ADGRD1: variants seen among roughly 807,000 people sequenced by gnomAD.
ADGRD1 encodes the protein G-protein coupled receptor 133.
ADGRD1 carries 77 observed loss-of-function variants against 113.4 expected under a neutral mutation model. That is an observed-to-expected ratio of 0.68 (90% CI 0.57 to 0.82). ADGRD1 has a LOEUF of 0.82. Among genes scored for constraint, ADGRD1 ranks in the 40% least tolerant of loss-of-function variants. The pLI is 0.00. For synonymous variants in ADGRD1, 474 were observed against 475.0 expected, an observed-to-expected ratio of 1.00 and a Z score of 0.03; for missense variants, 1,036 against 1,139.1, an observed-to-expected ratio of 0.91 and a Z score of 1.30.
In ADGRD1 at chr12:130,954,626, G is replaced by A. The variant is rs1181620140; in HGVS notation, c.69G>A (p.Val23=). The A allele has an allele frequency of 6.8e-6, 11 of 1,613,800 alleles. 1 individual carries two copies. Among genetic ancestry groups the A allele is most frequent in the South Asian group, 2.2e-5 (2 of 91,078 alleles). ...ACACTGTGGTCTTTTGTGCGCAGGT[G>A]CGTGGCGTCTACTCCAGATCGCAGG... The part of the protein sequence containing the change: ...WLLLFYYNFQ[V]RGVYSRSQDH... The change falls in exon 2 of 25, where the codon GTG becomes GTA. Residue 23 remains valine (V), a splice_region_variant and synonymous_variant. Coordinates refer to ENST00000261654, the MANE Select transcript of ADGRD1 (RefSeq NM_198827.5). The surrounding 1 kb of genome is among the most constrained non-coding windows in gnomAD (Gnocchi z 4.7).
In ADGRD1 at chr12:131,077,157, G is replaced by A. The variant is rs975455833; in HGVS notation, c.1547+283G>A. On this transcript the variant is annotated intron_variant, in intron 14 of 24. Transcript: ENST00000261654. ...TTTCAAGCCAGTGCAGCAGATGCTC[G>A]GGGGAGCTGGAGGATGCTGTCCGTT... 4.7e-5 allele frequency among the ~76,000 whole-genome samples: 7 copies of A among 149,858 alleles called. No individual in the cohort carries two copies. In the South Asian group the frequency reaches 6.5e-4, roughly 14 times the overall value.
At chr12:130,955,208 G>T (rs1375888260) in intron 2 of ADGRD1, among the ~76,000 whole-genome samples, 4 of 145,782 alleles carry the variant, frequency 2.7e-5, no homozygotes, top group Admixed American at 7.1e-5. Flanking sequence ...CAGGTGATCC[G>T]CCCGCCTTGG....
At chr12:131,065,157 T>C (rs751426321) in intron 13 of ADGRD1, among the ~76,000 whole-genome samples, 34 of 152,196 alleles carry the variant, frequency 2.2e-4, no homozygotes, top group Admixed American at 3.9e-4. Context: ...GCCATAAACA[T>C]CTGCTCTGCA....
chr12:131,018,785 T>C (rs1365123838), intron 13 of ADGRD1, among the ~76,000 whole-genome samples: 2 of 152,218 alleles, frequency 1.3e-5, no homozygotes, highest in East Asian at 3.8e-4. Context: ...AACTTCTTTC[T>C]CAAAGCACAG....
chr12:131,034,927 C>G (rs1376672672), intron 13 of ADGRD1, among the ~76,000 whole-genome samples: 1 of 152,196 alleles, frequency 6.6e-6, no homozygotes, highest in Non-Finnish European at 1.5e-5. Context: ...AGCTGCTCCT[C>G]CGCCCCCTTC....
chr12:131,080,913 C>T (rs549726534), intron 14 of ADGRD1, among the ~76,000 whole-genome samples: 1 of 152,338 alleles, frequency 6.6e-6, no homozygotes, highest in African/African-American at 2.4e-5. Context: ...AGCCACTGCA[C>T]CCGGCCTAGT....
rs536936677 is a variant in ADGRD1, at chr12:131,018,758, T to C, written c.1473+4418T>C. ...CCTGGATCGTTTCTGTTAGCAGAGG[T>C]GTTGACATTCTCGTGGAACTTCTTT... On this transcript the variant is annotated intron_variant, in intron 13 of 24. Coordinates refer to ENST00000261654, the MANE Select transcript of ADGRD1 (RefSeq NM_198827.5). Among the ~76,000 whole-genome samples, 11 of 152,306 alleles carry C rather than the reference T, an allele frequency of 7.2e-5. No homozygotes were observed. The East Asian group carries it at 1.9e-3, about 27-fold the overall frequency.
intron 5 of ADGRD1, among the ~76,000 whole-genome samples, chr12:130,983,861 A>G (rs950907958): frequency 2.8e-4 from 43 of 152,152 alleles, no homozygotes; most frequent in Admixed American, 3.3e-4. Flanking sequence ...GCTCAGGAGG[A>G]CAGCTTACCA....
intron 15 of ADGRD1, among the ~76,000 whole-genome samples, chr12:131,095,433 G>A (rs34982748): frequency 0.083 from 12,656 of 152,356 alleles, 701 homozygotes; most frequent in Non-Finnish European, 0.12. Context: ...CTGAAGAAGT[G>A]TCTGCTCTGG....
At chr12:131,098,982 T>A (rs1486538625) in intron 15 of ADGRD1, among the ~76,000 whole-genome samples, 1 of 152,224 alleles carries the variant, frequency 6.6e-6, no homozygotes, top group Non-Finnish European at 1.5e-5. Flanking sequence ...AGGGAAACCA[T>A]GCTGTCCACT....
At chr12:131,070,876 G>T (rs779838902) in intron 13 of ADGRD1, 1 of 519,054 alleles carries the variant, frequency 1.9e-6, no homozygotes, top group East Asian at 5.4e-5. Flanking sequence ...TGCACGGGAC[G>T]TCCTGGAGAG....
intron 20 of ADGRD1, among the ~76,000 whole-genome samples, chr12:131,130,618 G>A (rs1041289794): frequency 3.3e-5 from 5 of 152,246 alleles, no homozygotes; most frequent in African/African-American, 1.2e-4. Context: ...TGGCTTCAAG[G>A]CCCCTAGGGT....
intron 17 of ADGRD1, among the ~76,000 whole-genome samples, chr12:131,106,079 C>T (rs1479013995): frequency 6.6e-6 from 1 of 152,166 alleles, no homozygotes; most frequent in African/African-American, 2.4e-5. Flanking sequence ...CTGCCGCTGC[C>T]GCCACCCACT....
chr12:131,139,627 A>C lies in ADGRD1; in HGVS notation c.*364A>C. ...TCGGGGCCGGTCCCGCAGCACCAGG[A>C]GGGGATGTTCAGCCTCTGTGCCTTG... On this transcript the variant is annotated 3_prime_UTR_variant, in exon 25 of 25. Transcript: ENST00000261654. The C allele has an allele frequency of 5.1e-6, 1 of 196,348 alleles. No homozygotes were observed. Among genetic ancestry groups the C allele is most frequent in the Admixed American group, 5.6e-5 (1 of 17,868 alleles). 12.2% of individuals were successfully genotyped at this position (196,348 alleles called of 1,614,324 possible). A position where few individuals can be genotyped will look rare whatever the true frequency, so the allele number is the denominator to read the frequency against.
Position 130,954,584 on chromosome 12 carries a change from T to C in ADGRD1, c.67-40T>C, listed in dbSNP as rs1169744465. The C allele has an allele frequency of 6.2e-7, 1 of 1,614,006 alleles. No individual in the cohort carries two copies. Among genetic ancestry groups the C allele is most frequent in the South Asian group, 1.1e-5 (1 of 91,068 alleles). Reference sequence around the variant, plus strand: ...GACAGGCTTGGTTTCTCCGGAGGCTTTCCCTGAGTGTGTCTCACACTGTGG... The same window carrying C: ...GACAGGCTTGGTTTCTCCGGAGGCTCTCCCTGAGTGTGTCTCACACTGTGG... On this transcript the variant is annotated intron_variant, in intron 1 of 24. Coordinates refer to ENST00000261654, the MANE Select transcript of ADGRD1 (RefSeq NM_198827.5). The surrounding 1 kb of genome is among the most constrained non-coding windows in gnomAD (Gnocchi z 4.7).
intron 14 of ADGRD1, among the ~76,000 whole-genome samples, chr12:131,078,556 C>T (rs146179690): frequency 5.3e-5 from 8 of 152,210 alleles, no homozygotes; most frequent in East Asian, 1.9e-4. Context: ...GACTAGAAAA[C>T]GGGATGGGAT....
chr12:130,998,868 G>T (rs1875960374), intron 8 of ADGRD1, among the ~76,000 whole-genome samples: 1 of 152,200 alleles, frequency 6.6e-6, no homozygotes, highest in Non-Finnish European at 1.5e-5. Context: ...GTGAGGCAGT[G>T]ATTAGCTACG....
At position 131,138,217 on chromosome 12, in the gene ADGRD1, C is replaced by T. The variant is rs759954927; in HGVS notation, c.2517C>T (p.Phe839=). ...CCCGCACCTCCAACGCGAAGCCCTT[C>T]CACTCGGACCTCGTGAGTGCAGCCT... is the stretch of plus-strand genomic sequence containing the variant. The part of the protein sequence containing the change: ...SSARTSNAKP[F]HSDLMNGTRP... The change falls in exon 24 of 25, where the codon TTC becomes TTT. Residue 839 remains phenylalanine, a synonymous_variant. Coordinates refer to ENST00000261654, the MANE Select transcript of ADGRD1 (RefSeq NM_198827.5). 24 of 1,613,196 alleles carry T rather than the reference C, an allele frequency of 1.5e-5. No individual in the cohort carries two copies. The highest frequency in any genetic ancestry group is 2.0e-5 in the Non-Finnish European group (24 of 1,179,748).
chr12:131,116,532 G>A (rs759676519), intron 18 of ADGRD1, among the ~76,000 whole-genome samples: 15 of 152,250 alleles, frequency 9.9e-5, no homozygotes, highest in Non-Finnish European at 2.1e-4. Flanking sequence ...GGAGGGCTGC[G>A]GCCTGGAGGC....
Sources: allele counts gnomAD v4.1 joint callset (sites outside exome capture counted in the v4.1 genomes callset), GRCh38; gene constraint gnomAD v4.1.1; non-coding constraint Gnocchi (gnomAD v3.1); transcripts MANE v1.5; gene names NCBI Gene and HGNC (gene_info 2026-07-23, HGNC 2026-07-21).